The following BMP6 variants were observed in gnomAD, a reference collection of about 807,000 sequenced individuals.
The protein encoded by BMP6 is bone morphogenetic protein 6.
BMP6 carries 17 observed loss-of-function variants against 54.1 expected under a neutral mutation model. The observed-to-expected ratio is 0.31, with a 90% CI of 0.22 to 0.47. The LOEUF (loss-of-function observed/expected upper bound fraction) is 0.47, where lower values mean the gene tolerates loss of function less well. Among genes scored for constraint, BMP6 ranks in the 20% least tolerant of loss-of-function variants. BMP6 has a pLI of 1.00. For synonymous variants in BMP6, 328 were observed against 291.2 expected (o/e 1.13, Z -1.28); for missense variants, 720 against 690.4 (o/e 1.04, Z -0.48).
At chr6:7,773,685 G>A (rs531938469) in intron 1 of BMP6, among the ~76,000 whole-genome samples, 4 of 152,314 alleles carry the variant, frequency 2.6e-5, no homozygotes, top group African/African-American at 7.2e-5. Flanking sequence ...TTTAAGCACA[G>A]GACTTAAAAA....
intron 1 of BMP6, among the ~76,000 whole-genome samples, chr6:7,783,669 C>CTT (rs1757981596): frequency 6.6e-6 from 1 of 152,364 alleles, no homozygotes; most frequent in South Asian, 2.1e-4. Flanking sequence ...CTTCCCCCTC[C>CTT]TTTCTCTTGT....
At chr6:7,783,460 T>G (rs1363490691) in intron 1 of BMP6, among the ~76,000 whole-genome samples, 1 of 152,274 alleles carries the variant, frequency 6.6e-6, no homozygotes, top group Non-Finnish European at 1.5e-5. Flanking sequence ...CTTTGCCACT[T>G]ATTTTCTTTC....
chr6:7,817,617 T>G (rs1283302631), intron 1 of BMP6, among the ~76,000 whole-genome samples: 3 of 151,596 alleles, frequency 2.0e-5, no homozygotes, highest in Admixed American at 2.0e-4. Flanking sequence ...GAGATATACC[T>G]AATGTAAATG....
chr6:7,790,165 C>G (rs1194471871), intron 1 of BMP6, among the ~76,000 whole-genome samples: 2 of 152,122 alleles, frequency 1.3e-5, no homozygotes, highest in Non-Finnish European at 2.9e-5. Flanking sequence ...TTGTATTTTA[C>G]TAATTGCTAC....
chr6:7,837,792 AAAAT>A (rs1398176364), intron 1 of BMP6, among the ~76,000 whole-genome samples: 1 of 152,206 alleles, frequency 6.6e-6, no homozygotes, highest in Non-Finnish European at 1.5e-5. Flanking sequence ...GTATTGAAAT[AAAAT>A]AAAATAAAAT....
chr6:7,828,938 TC>T (rs1440289191), intron 1 of BMP6, among the ~76,000 whole-genome samples: 1 of 152,128 alleles, frequency 6.6e-6, no homozygotes, highest in East Asian at 1.9e-4. Context: ...GAAAAGACTC[TC>T]CCCGTGTCCC....
chr6:7,753,907 AT>A (rs1331790099), intron 1 of BMP6, among the ~76,000 whole-genome samples: 5 of 152,136 alleles, frequency 3.3e-5, no homozygotes, highest in African/African-American at 1.2e-4. Flanking sequence ...GGATTTACTG[AT>A]TTCTAGTTTA....
chr6:7,779,888 G>T (rs1757918094), intron 1 of BMP6, among the ~76,000 whole-genome samples: 1 of 152,074 alleles, frequency 6.6e-6, no homozygotes, highest in South Asian at 2.1e-4. Flanking sequence ...ACCTCCTTGG[G>T]GCTTGCTGTG....
At chr6:7,754,050 T>C (rs996829558) in intron 1 of BMP6, among the ~76,000 whole-genome samples, 2 of 152,208 alleles carry the variant, frequency 1.3e-5, no homozygotes, top group Non-Finnish European at 2.9e-5. Context: ...TCTGTTGTTA[T>C]TGGGTAGAGT....
chr6:7,859,409 G>A (rs957402635), intron 2 of BMP6, among the ~76,000 whole-genome samples: 5 of 152,048 alleles, frequency 3.3e-5, no homozygotes, highest in Middle Eastern at 3.4e-3. Flanking sequence ...GTGCTCACGG[G>A]CCCCGCCTTG....
intron 1 of BMP6, among the ~76,000 whole-genome samples, chr6:7,806,990 CAA>C (rs1313335531): frequency 6.6e-6 from 1 of 152,210 alleles, no homozygotes; most frequent in Non-Finnish European, 1.5e-5. Context: ...AACCTCCTGA[CAA>C]GAGGATTCCA....
At chr6:7,747,243 T>C (rs866992547) in intron 1 of BMP6, among the ~76,000 whole-genome samples, 1 of 152,240 alleles carries the variant, frequency 6.6e-6, no homozygotes, top group Non-Finnish European at 1.5e-5. Flanking sequence ...TCTGTGAATA[T>C]GCCACCTTAT....
intron 1 of BMP6, among the ~76,000 whole-genome samples, chr6:7,841,289 A>C (rs565138672): frequency 6.6e-6 from 1 of 152,334 alleles, no homozygotes; most frequent in African/African-American, 2.4e-5. Flanking sequence ...ATCATCAGTA[A>C]GCCAAATGCT....
intron 1 of BMP6, among the ~76,000 whole-genome samples, chr6:7,828,200 A>G (rs956553433): frequency 3.9e-5 from 6 of 152,258 alleles, no homozygotes; most frequent in Admixed American, 2.0e-4. Flanking sequence ...TGAACACACC[A>G]GCACAGCTGT....
intron 1 of BMP6, among the ~76,000 whole-genome samples, chr6:7,842,526 T>C (rs1313613220): frequency 2.6e-5 from 4 of 152,174 alleles, no homozygotes; most frequent in African/African-American, 4.8e-5. Context: ...CAGACAAGCA[T>C]TCCAAGAAGT....
chr6:7,845,618 A>G (rs1027610649), intron 2 of BMP6, among the ~76,000 whole-genome samples: 1 of 152,214 alleles, frequency 6.6e-6, no homozygotes, highest in African/African-American at 2.4e-5. Context: ...AAATGTTCCC[A>G]CTATTGATTA....
intron 1 of BMP6, among the ~76,000 whole-genome samples, chr6:7,774,507 G>A (rs554805836): frequency 3.3e-5 from 5 of 152,286 alleles, no homozygotes; most frequent in East Asian, 1.9e-4. Context: ...AGCCAAGATC[G>A]CGCCACTGCA....
At chr6:7,827,130 T>C (rs1423089740) in intron 1 of BMP6, among the ~76,000 whole-genome samples, 1 of 152,176 alleles carries the variant, frequency 6.6e-6, no homozygotes, top group Non-Finnish European at 1.5e-5. Context: ...ATCTCATCAA[T>C]CTGTGATTTG....
chr6:7,854,432 G>A (rs1386703443), intron 2 of BMP6, among the ~76,000 whole-genome samples: 1 of 152,080 alleles, frequency 6.6e-6, no homozygotes, highest in Non-Finnish European at 1.5e-5. Flanking sequence ...TCCCCACCTT[G>A]GACGGGAATG....
Sources: allele counts gnomAD v4.1 joint callset (sites outside exome capture counted in the v4.1 genomes callset), GRCh38; gene constraint gnomAD v4.1.1; transcripts MANE v1.5; gene names NCBI Gene and HGNC (gene_info 2026-07-23, HGNC 2026-07-21).